The following STARD13 variants were observed in gnomAD, a reference collection of about 807,000 sequenced individuals.
STARD13 encodes StAR related lipid transfer domain containing 13, also known as stAR-related lipid transfer protein 13.
In STARD13, 62 loss-of-function variants were observed where a neutral mutation model predicts 106.4. That is an observed-to-expected ratio of 0.58 (90% CI 0.48 to 0.72). The LOEUF is 0.72. Ranked by LOEUF, STARD13 falls within the 30% of genes least tolerant of loss-of-function variation. STARD13 has a pLI of 0.00. For missense variants in STARD13, 1,387 were observed against 1,424.0 expected (o/e 0.97, Z 0.42); for synonymous variants, 565 against 553.0 (o/e 1.02, Z -0.31).
At chr13:33,110,176 A>G in intron 11 of STARD13, 86 bp from the exon 12 acceptor site, 2 of 1,214,328 alleles carry the variant, frequency 1.6e-6, no homozygotes, top group Admixed American at 2.0e-5. Flanking sequence ...TTTTGCTATC[A>G]TACCTTGCTG....
At chr13:33,656,194 T>C in the STARD13 span, among the ~76,000 whole-genome samples, 1 of 152,220 alleles carries the variant, frequency 6.6e-6, no homozygotes. Flanking sequence ...TTTGATATAG[T>C]CTGGTTTCTC....
the STARD13 span, chr13:33,439,852 G>A: frequency 2.6e-6 from 1 of 384,286 alleles, no homozygotes; most frequent in South Asian, 2.1e-5. Flanking sequence ...AAAATAAAAT[G>A]CCAACTGAGG....
chr13:33,113,278 G>C (rs981588712), intron 8 of STARD13: 5 of 386,240 alleles, frequency 1.3e-5, no homozygotes, highest in African/African-American at 8.3e-5. Context: ...TTGGTGATTA[G>C]GACTCTGTCA....
At chr13:33,451,542 G>A in the STARD13 span, among the ~76,000 whole-genome samples, 4 of 152,142 alleles carry the variant, frequency 2.6e-5, no homozygotes, top group African/African-American at 9.7e-5. Context: ...TAACAGGGGA[G>A]GTGTACAGGG....
At chr13:33,370,617 TTC>T in the STARD13 span, among the ~76,000 whole-genome samples, 2 of 147,058 alleles carry the variant, frequency 1.4e-5, no homozygotes, top group African/African-American at 5.3e-5. Context: ...CTTTCTTTCT[TTC>T]TTTTTTTTTT....
At chr13:33,350,198 G>T in intron 1 of STARD13, 1 of 1,401,600 alleles carries the variant, frequency 7.1e-7, no homozygotes, top group Non-Finnish European at 9.2e-7. Context: ...ATGCCCTGGA[G>T]CCCAGAGCAG....
the STARD13 span, among the ~76,000 whole-genome samples, chr13:33,465,124 G>A: frequency 6.6e-6 from 1 of 150,792 alleles, no homozygotes; most frequent in African/African-American, 2.4e-5. Flanking sequence ...TATCTTCATT[G>A]CTATTTTGCT....
At chr13:33,224,583 T>C (rs1282694176) in intron 1 of STARD13, among the ~76,000 whole-genome samples, 2 of 152,238 alleles carry the variant, frequency 1.3e-5, no homozygotes, top group Non-Finnish European at 2.9e-5. Flanking sequence ...ATCTTCTACC[T>C]GGATGTGATT....
chr13:33,395,979 C>T, the STARD13 span, among the ~76,000 whole-genome samples: 2 of 151,104 alleles, frequency 1.3e-5, no homozygotes, highest in East Asian at 2.0e-4. Context: ...GTAGCTGAGA[C>T]TACAGGTGCT....
intron 1 of STARD13, chr13:33,186,077 C>T (rs1885744021): frequency 6.2e-7 from 1 of 1,601,066 alleles, no homozygotes; most frequent in Admixed American, 1.7e-5. Context: ...TCTCATGTTT[C>T]CGGTTGCTAA....
At chr13:33,615,435 G>C in the STARD13 span, among the ~76,000 whole-genome samples, 4 of 152,198 alleles carry the variant, frequency 2.6e-5, no homozygotes, top group East Asian at 7.7e-4. Flanking sequence ...TTATCTTTGA[G>C]TGCTTACTAT....
the STARD13 span, among the ~76,000 whole-genome samples, chr13:33,539,832 T>C: frequency 1.2e-3 from 179 of 152,276 alleles, 1 homozygote; most frequent in Admixed American, 3.7e-3. Context: ...AATATACAAC[T>C]TACAAACAAA....
chr13:33,365,666 C>A, the STARD13 span, among the ~76,000 whole-genome samples: 1 of 152,146 alleles, frequency 6.6e-6, no homozygotes, highest in African/African-American at 2.4e-5. Context: ...AAATACAATT[C>A]TTCAGGTTTT....
At chr13:33,440,080 C>G in the STARD13 span, among the ~76,000 whole-genome samples, 1 of 152,082 alleles carries the variant, frequency 6.6e-6, no homozygotes, top group African/African-American at 2.4e-5. Flanking sequence ...AGTTCGAAAT[C>G]AGACTGGGCA....
At chr13:33,371,982 C>A in the STARD13 span, among the ~76,000 whole-genome samples, 2 of 152,152 alleles carry the variant, frequency 1.3e-5, no homozygotes, top group Non-Finnish European at 2.9e-5. Flanking sequence ...ACCAAGCAAC[C>A]AATCAGAAAG....
chr13:33,494,903 T>C, the STARD13 span, among the ~76,000 whole-genome samples: 7 of 151,908 alleles, frequency 4.6e-5, no homozygotes, highest in African/African-American at 1.7e-4. Flanking sequence ...GTAGAAAACA[T>C]AAAAACAAAT....
At chr13:33,660,742 T>C in the STARD13 span, among the ~76,000 whole-genome samples, 1 of 152,206 alleles carries the variant, frequency 6.6e-6, no homozygotes, top group Non-Finnish European at 1.5e-5. Flanking sequence ...AGCCACCATG[T>C]CTGGCTACAT....
the STARD13 span, among the ~76,000 whole-genome samples, chr13:33,497,957 C>A: frequency 6.6e-6 from 1 of 152,134 alleles, no homozygotes; most frequent in East Asian, 1.9e-4. Context: ...CTCTGTAATA[C>A]GAAATGAGTT....
chr13:33,171,072 G>A (rs1316839037), intron 1 of STARD13, among the ~76,000 whole-genome samples: 1 of 152,158 alleles, frequency 6.6e-6, no homozygotes, highest in African/African-American at 2.4e-5. Context: ...TCTACCTAAT[G>A]AGATTTAAAT....
Sources: allele counts gnomAD v4.1 joint callset (sites outside exome capture counted in the v4.1 genomes callset), GRCh38; gene constraint gnomAD v4.1.1; transcripts MANE v1.5; gene names NCBI Gene and HGNC (gene_info 2026-07-23, HGNC 2026-07-21).